Variants in NCALD observed in about 807,000 individuals in gnomAD.
NCALD encodes the protein neurocalcin-delta.
A neutral mutation model predicts 18.6 loss-of-function variants in NCALD; 10 were observed. The observed-to-expected ratio is 0.54, with a 90% CI of 0.33 to 0.91. The LOEUF (loss-of-function observed/expected upper bound fraction) is 0.91, where lower values mean the gene tolerates loss of function less well. NCALD is among the 40% of genes least tolerant of loss of function. The pLI, the probability that NCALD is intolerant of heterozygous loss-of-function variation, is 0.03. For missense variants in NCALD, 184 were observed against 247.6 expected, an observed-to-expected ratio of 0.74 and a Z score of 1.72; for synonymous variants, 88 against 87.4, an observed-to-expected ratio of 1.01 and a Z score of -0.04.
intron 3 of NCALD, among the ~76,000 whole-genome samples, chr8:101,898,526 T>A (rs1817295906): frequency 2.6e-5 from 4 of 152,194 alleles, no homozygotes. Flanking sequence ...GAAGTCCAAT[T>A]TATTGACTTT....
intron 4 of NCALD, among the ~76,000 whole-genome samples, chr8:101,870,615 C>A (rs1675108397): frequency 6.6e-6 from 1 of 152,130 alleles, no homozygotes; most frequent in African/African-American, 2.4e-5. Context: ...CTGGAAGAGG[C>A]CAACTCATCA....
At chr8:101,887,438 C>A (rs900849587) in intron 3 of NCALD, among the ~76,000 whole-genome samples, 4 of 152,146 alleles carry the variant, frequency 2.6e-5, no homozygotes, top group Non-Finnish European at 5.9e-5. Context: ...GAATAACAGG[C>A]ACAGTCTCCA....
upstream of NCALD, chr8:102,124,620 T>C (rs2132502795): frequency 6.6e-6 from 1 of 152,440 alleles, no homozygotes; most frequent in South Asian, 2.1e-4. Context: ...GGGTGCCATC[T>C]GCTTGCCTCC....
At chr8:101,910,042 C>T (rs190351909) in intron 3 of NCALD, among the ~76,000 whole-genome samples, 4 of 152,164 alleles carry the variant, frequency 2.6e-5, no homozygotes, top group African/African-American at 4.8e-5. Flanking sequence ...TCTTCAGGAT[C>T]GCTCTCTTAG....
At chr8:101,978,317 C>T (rs1820498438) in intron 2 of NCALD, among the ~76,000 whole-genome samples, 1 of 152,070 alleles carries the variant, frequency 6.6e-6, no homozygotes, top group African/African-American at 2.4e-5. Flanking sequence ...GAACTATTTC[C>T]ACATCCTTCA....
chr8:101,942,998 A>G (rs528541625), intron 2 of NCALD, among the ~76,000 whole-genome samples: 2 of 152,320 alleles, frequency 1.3e-5, no homozygotes, highest in Admixed American at 6.5e-5. Context: ...CCTCATGAGA[A>G]GGGGCATTTG....
intron 3 of NCALD, among the ~76,000 whole-genome samples, chr8:101,894,693 C>T (rs1042677864): frequency 6.6e-6 from 1 of 151,074 alleles, no homozygotes; most frequent in Non-Finnish European, 1.5e-5. Context: ...CACCACAGAT[C>T]CCACAGAAAT....
Position 101,799,451 on chromosome 8 carries a change from C to T in NCALD, c.-19-79803G>A, listed in dbSNP as rs73275555. Reference sequence around the variant, plus strand: ...GACATTCCAGAGAAACGAAGACACGCTAACACAAAAACCTGAACCTGCTTG... The same window carrying T: ...GACATTCCAGAGAAACGAAGACACGTTAACACAAAAACCTGAACCTGCTTG... On this transcript the variant is annotated intron_variant, in intron 4 of 6. Transcript: ENST00000311028. Among the ~76,000 whole-genome samples, 964 of 152,280 alleles carry T rather than the reference C, an allele frequency of 6.3e-3. 10 individuals are homozygous for T. The highest frequency in any genetic ancestry group is 0.022 in the African/African-American group (896 of 41,544).
intron 2 of NCALD, among the ~76,000 whole-genome samples, chr8:101,957,759 G>C (rs1196598377): frequency 2.6e-5 from 4 of 152,132 alleles, no homozygotes; most frequent in Non-Finnish European, 5.9e-5. Context: ...TAAAAGATGA[G>C]ACAGTGCTTT....
chr8:101,942,393 C>A (rs1034239290), intron 2 of NCALD, among the ~76,000 whole-genome samples: 120 of 152,244 alleles, frequency 7.9e-4, no homozygotes, highest in Middle Eastern at 3.4e-3. Context: ...TCTATTCTTG[C>A]CTGTGAAGAG....
intron 3 of NCALD, among the ~76,000 whole-genome samples, chr8:101,912,936 A>G (rs1817852445): frequency 6.6e-6 from 1 of 152,260 alleles, no homozygotes; most frequent in Non-Finnish European, 1.5e-5. Flanking sequence ...AGCCTGTGAG[A>G]TGCCACATGG....
At chr8:101,771,902 G>T (rs549103730) in intron 1 of NCALD, among the ~76,000 whole-genome samples, 1 of 152,178 alleles carries the variant, frequency 6.6e-6, no homozygotes, top group African/African-American at 2.4e-5. Flanking sequence ...TTCATTCAAT[G>T]AATAATTATT....
At chr8:101,880,215 C>T (rs1305175168) in intron 4 of NCALD, among the ~76,000 whole-genome samples, 4 of 152,148 alleles carry the variant, frequency 2.6e-5, no homozygotes, top group East Asian at 3.9e-4. Context: ...TGGGACCTGG[C>T]GCACCCTCCA....
intron 4 of NCALD, among the ~76,000 whole-genome samples, chr8:101,838,752 G>A (rs1814516728): frequency 6.6e-6 from 1 of 152,180 alleles, no homozygotes; most frequent in South Asian, 2.1e-4. Flanking sequence ...CAGTGTGTAT[G>A]TTTTATTTAA....
intron 3 of NCALD, among the ~76,000 whole-genome samples, chr8:101,897,714 G>A (rs1459089288): frequency 1.3e-5 from 2 of 152,120 alleles, no homozygotes; most frequent in Non-Finnish European, 2.9e-5. Context: ...CATGGTAAAT[G>A]TATGTTTAGT....
intron 1 of NCALD, among the ~76,000 whole-genome samples, chr8:101,746,956 T>A (rs1029932481): frequency 6.6e-6 from 1 of 152,126 alleles, no homozygotes; most frequent in Non-Finnish European, 1.5e-5. Context: ...AGGGCAAAGA[T>A]GTTCCAATCA....
At chr8:101,903,991 C>A (rs553838271) in intron 3 of NCALD, among the ~76,000 whole-genome samples, 1 of 152,324 alleles carries the variant, frequency 6.6e-6, no homozygotes, top group Non-Finnish European at 1.5e-5. Context: ...AAAATGCCCA[C>A]TCCTGCGCTC....
At chr8:101,945,164 G>A (rs1238975559) in intron 2 of NCALD, among the ~76,000 whole-genome samples, 1 of 152,142 alleles carries the variant, frequency 6.6e-6, no homozygotes, top group Non-Finnish European at 1.5e-5. Flanking sequence ...AAAAAGCCAG[G>A]GAGCCACTGC....
chr8:101,731,598 G>A (rs536690836), intron 1 of NCALD, among the ~76,000 whole-genome samples: 1 of 152,246 alleles, frequency 6.6e-6, no homozygotes, highest in East Asian at 1.9e-4. Flanking sequence ...GCTTAGGAGG[G>A]CACACCCACC....
Sources: gnomAD v4.1 joint callset for allele counts (sites outside exome capture counted in the v4.1 genomes callset) on GRCh38, gnomAD v4.1.1 for gene constraint, MANE v1.5 for transcripts, NCBI Gene and HGNC (gene_info 2026-07-23, HGNC 2026-07-21) for gene names.